DNMT1: variants seen among roughly 807,000 people sequenced by gnomAD.
DNMT1 encodes the protein DNA (cytosine-5)-methyltransferase 1.
A neutral mutation model predicts 205.3 loss-of-function variants in DNMT1; 24 were observed. That is an observed-to-expected ratio of 0.12 (90% CI 0.08 to 0.16). The LOEUF (loss-of-function observed/expected upper bound fraction) is 0.16, where lower values mean the gene tolerates loss of function less well. Ranked by LOEUF, DNMT1 falls within the 10% of genes least tolerant of loss-of-function variation. The probability of loss-of-function intolerance (pLI) is 1.00; values close to 1 mark genes in which losing one functional copy is unlikely to be tolerated. For synonymous variants in DNMT1, 817 were observed against 839.8 expected (o/e 0.97, Z 0.47); for missense variants, 1,293 against 2,177.7 (o/e 0.59, Z 8.09).
chr19:10,171,637 C>T (rs1004740428), intron 9 of DNMT1, among the ~76,000 whole-genome samples: 7 of 152,094 alleles, frequency 4.6e-5, no homozygotes, highest in African/African-American at 1.7e-4. Flanking sequence ...AACCCCTTCT[C>T]TACTAAAAAT....
chr19:10,146,436 C>A lies in DNMT1; in HGVS notation c.2809G>T (p.Val937Phe). 1 of 1,614,090 alleles carries A rather than the reference C, an allele frequency of 6.2e-7. No homozygotes were observed. The highest frequency in any genetic ancestry group is 1.1e-5 in the South Asian group (1 of 91,074). ...TTCTTGGTGGCTGAGTAGTAGAGGA[C>A]CCGGCTATCCAGGTCCTCGAGCTGC... The part of the protein sequence containing the change: ...LEQLEDLDSR[V>F]LYYSATKNGI... The change falls in exon 28 of 41, where the codon GTC (valine) becomes TTC (phenylalanine). Residue 937 changes from valine (V) to phenylalanine (F), a missense_variant. This residue lies in a region of DNMT1 where 112 missense variants were observed against 116.6 expected (regional missense o/e 0.96). Transcript: ENST00000359526. The surrounding 1 kb of genome is among the most constrained non-coding windows in gnomAD (Gnocchi z 4.4).
At chr19:10,145,106 A>C (rs1232111122) in intron 28 of DNMT1, among the ~76,000 whole-genome samples, 1 of 152,208 alleles carries the variant, frequency 6.6e-6, no homozygotes, top group Non-Finnish European at 1.5e-5. Flanking sequence ...GGCCAATGTA[A>C]GGCGCCACAG....
chr19:10,172,495 G>A (rs940174589), intron 9 of DNMT1, among the ~76,000 whole-genome samples: 3 of 151,762 alleles, frequency 2.0e-5, no homozygotes, highest in African/African-American at 4.8e-5. Context: ...GCAAGAAGGC[G>A]AGGTGACAAA....
chr19:10,133,682 TTCC>T lies in DNMT1; in HGVS notation c.4881_4883del (p.Glu1628del), dbSNP rs1568216678. ...GAGGGCAGAACTAGTCCTTAGCAGC[TTCC>T]TCCTCCTTTATTTTAGCTGAAGGGA... On this transcript the variant is annotated inframe_deletion, in exon 41 of 41. Transcript: ENST00000359526. The surrounding 1 kb of genome is among the most constrained non-coding windows in gnomAD (Gnocchi z 4.1). 6.3e-7 allele frequency: 1 copy of T among 1,597,334 alleles called. No homozygotes were observed. Among genetic ancestry groups the T allele is most frequent in the Non-Finnish European group, 8.5e-7 (1 of 1,171,044 alleles).
Position 10,146,282 on chromosome 19 carries a change from G to C in DNMT1, c.2894+69C>G. The C allele has an allele frequency of 6.3e-7, 1 of 1,583,060 alleles. No individual in the cohort carries two copies. On this transcript the variant is annotated intron_variant, in intron 28 of 40. Transcript: ENST00000359526. The surrounding 1 kb of genome is among the most constrained non-coding windows in gnomAD (Gnocchi z 4.4). The stretch of plus-strand genomic sequence containing the variant: ...GGATTGGCAATGTCTGTAAGGAGGG[G>C]GACACCACAAAGCCAGCCTGGCTCA...
intron 2 of DNMT1, 39 bp downstream of exon 2, chr19:10,182,002 C>A: frequency 6.3e-7 from 1 of 1,584,240 alleles, no homozygotes; most frequent in South Asian, 1.1e-5. Flanking sequence ...GTGTGTCAGT[C>A]AGATTTGGTA....
rs780641040 is a variant in DNMT1 at position 10,135,763 on chromosome 19, G to C, written c.4746C>G (p.Phe1582Leu). 1 of 1,604,656 alleles carries C rather than the reference G, an allele frequency of 6.2e-7. No homozygotes were observed. The part of the protein sequence containing the change: ...SQGFPDTYRL[F>L]GNILDKHRQV... ...GCCGGTGCTTGTCCAGGATGTTGCC[G>C]AAGAGCCGGTAGGTGTCAGGGAAGC... The change falls in exon 39 of 41, where the codon TTC (phenylalanine) becomes TTG (leucine). Residue 1582 changes from phenylalanine (F) to leucine (L), a missense_variant. Transcript: ENST00000359526.
At chr19:10,139,946 CG>C (rs1026988625) in intron 33 of DNMT1, 99 bp downstream of exon 33, 3 of 1,593,322 alleles carry the variant, frequency 1.9e-6, no homozygotes, top group Admixed American at 1.7e-5. Flanking sequence ...TGTGAGCTTC[CG>C]GGGGGCAGAG....
In DNMT1 at chr19:10,138,932, C is replaced by A. The variant is rs200167023; in HGVS notation, c.3949-327G>T. Among the ~76,000 whole-genome samples, 1 of 152,186 alleles carries A rather than the reference C, an allele frequency of 6.6e-6. No individual in the cohort carries two copies. The highest frequency in any genetic ancestry group is 1.5e-5 in the Non-Finnish European group (1 of 68,026). On this transcript the variant is annotated intron_variant, in intron 34 of 40. Transcript: ENST00000359526. This position sits in a 1 kb window ranked among gnomAD's most constrained non-coding sequence, Gnocchi z 4.1. ...GAACACTGGAGACCAGGAGCCCTGT[C>A]GCTTCCCTGATGGCTGTGGTCACAA...
intron 9 of DNMT1, among the ~76,000 whole-genome samples, chr19:10,171,739 A>T (rs1014540161): frequency 3.3e-5 from 5 of 152,018 alleles, no homozygotes; most frequent in African/African-American, 1.2e-4. Flanking sequence ...CAGGAGGTGG[A>T]GCTTGCAGTG....
At chr19:10,173,838 G>T in intron 8 of DNMT1, 33 bp downstream of exon 8, 1 of 1,612,054 alleles carries the variant, frequency 6.2e-7, no homozygotes, top group South Asian at 1.1e-5. Flanking sequence ...ACAACTCGTA[G>T]AACAAAAAGA....
At chr19:10,185,843 GAAAA>G (rs57377594) in intron 1 of DNMT1, among the ~76,000 whole-genome samples, 3 of 70,726 alleles carry the variant, frequency 4.2e-5, no homozygotes, top group African/African-American at 1.5e-4. Flanking sequence ...TGTCTCAAAA[GAAAA>G]AAAAAAAAAA....
At chr19:10,163,234 T>C (rs1005588680) in intron 12 of DNMT1, 92 bp downstream of exon 12, 2 of 1,438,774 alleles carry the variant, frequency 1.4e-6, no homozygotes, top group East Asian at 4.6e-5. Flanking sequence ...CCCAAAGTGC[T>C]GGGATTACAG....
chr19:10,177,620 C>T (rs899932363), intron 5 of DNMT1, among the ~76,000 whole-genome samples: 1 of 152,050 alleles, frequency 6.6e-6, no homozygotes, highest in Admixed American at 6.6e-5. Context: ...GAAACAGAGC[C>T]TCTTGTTAAA....
chr19:10,190,317 G>C (rs1284831619), intron 1 of DNMT1, among the ~76,000 whole-genome samples: 2 of 152,174 alleles, frequency 1.3e-5, no homozygotes, highest in Admixed American at 1.3e-4. Flanking sequence ...CCAAGCTGCA[G>C]ATACAGTGAA....
At position 10,180,240 on chromosome 19, in the gene DNMT1, AG is replaced by A. The variant is rs1308964182; in HGVS notation, c.446-7del. 3.8e-6 allele frequency: 5 copies of A among 1,325,454 alleles called. No homozygotes were observed. Among genetic ancestry groups the A allele is most frequent in the Non-Finnish European group, 5.3e-6 (5 of 949,052 alleles). The allele number at this position is 1,325,454 out of a possible 1,614,324, so 82.1% of individuals were successfully genotyped here. ...GGCAGGAGGGTCTCTTGAACCTGGG[AG>A]GCAGAGGTTACAGTGAGCCGAGGTT... On this transcript the variant is annotated splice_polypyrimidine_tract_variant and splice_region_variant and intron_variant, in intron 4 of 40. Transcript: ENST00000359526.
At chr19:10,142,616 G>C (rs1198340423) in intron 29 of DNMT1, among the ~76,000 whole-genome samples, 1 of 148,318 alleles carries the variant, frequency 6.7e-6, no homozygotes, top group Non-Finnish European at 1.5e-5. Flanking sequence ...GCCAGGTAAT[G>C]ACCCCCGACC....
chr19:10,135,563 CG>C (rs1265633870), intron 39 of DNMT1, 172 bp downstream of exon 39: 4 of 689,396 alleles, frequency 5.8e-6, no homozygotes, highest in Non-Finnish European at 1.0e-5. Flanking sequence ...CAGCCTGACT[CG>C]GATGTCTCAG....
chr19:10,164,759 C>T lies in DNMT1; in HGVS notation c.892-1399G>A, dbSNP rs541769213. Among the ~76,000 whole-genome samples, 14 of 151,482 alleles carry T rather than the reference C, an allele frequency of 9.2e-5. No homozygotes were observed. In the South Asian group the frequency reaches 2.9e-3, roughly 32 times the overall value. ...CCTGGCCAACATGGTGAATCCCTGT[C>T]TCTACTAAAAATATAAAAATTAGCT... On this transcript the variant is annotated intron_variant, in intron 11 of 40. Coordinates refer to ENST00000359526, the MANE Select transcript of DNMT1 (RefSeq NM_001130823.3).
Sources: allele counts gnomAD v4.1 joint callset (sites outside exome capture counted in the v4.1 genomes callset), GRCh38; gene constraint gnomAD v4.1.1; regional missense constraint gnomAD v4.1.1; non-coding constraint Gnocchi (gnomAD v3.1); transcripts MANE v1.5; gene names NCBI Gene and HGNC (gene_info 2026-07-23, HGNC 2026-07-21).